GRM7: variants seen among roughly 807,000 people sequenced by gnomAD.
The protein encoded by GRM7 is glutamate metabotropic receptor 7.
GRM7 carries 35 observed loss-of-function variants against 84.5 expected under a neutral mutation model. The ratio of observed to expected loss-of-function variants is 0.41; its 90% CI spans 0.32 to 0.55. The LOEUF is 0.55. Among genes scored for constraint, GRM7 ranks in the 20% least tolerant of loss-of-function variants. The probability of loss-of-function intolerance (pLI) is 0.19; values close to 1 mark genes in which losing one functional copy is unlikely to be tolerated. For synonymous variants in GRM7, 487 were observed against 455.1 expected, an observed-to-expected ratio of 1.07 and a Z score of -0.89; for missense variants, 1,003 against 1,194.6, an observed-to-expected ratio of 0.84 and a Z score of 2.36.
intron 4 of GRM7, among the ~76,000 whole-genome samples, chr3:7,403,622 G>GATTATATATAT: frequency 7.9e-6 from 1 of 126,950 alleles, no homozygotes; most frequent in Admixed American, 8.1e-5. Flanking sequence ...GAGTAATTCT[G>GATTATATATAT]ATATATATAT....
intron 2 of GRM7, among the ~76,000 whole-genome samples, chr3:7,225,068 C>T (rs1244545521): frequency 6.6e-6 from 1 of 152,048 alleles, no homozygotes; most frequent in African/African-American, 2.4e-5. Context: ...AAACTACCTC[C>T]TTGCTGACTC....
chr3:7,698,671 G>A (rs1245133938), intron 9 of GRM7, among the ~76,000 whole-genome samples: 1 of 152,176 alleles, frequency 6.6e-6, no homozygotes, highest in Non-Finnish European at 1.5e-5. Context: ...TCTTGTTGCA[G>A]TGGGCTGTCC....
chr3:7,363,229 C>T (rs1300620714), intron 4 of GRM7, among the ~76,000 whole-genome samples: 1 of 151,522 alleles, frequency 6.6e-6, no homozygotes, highest in Non-Finnish European at 1.5e-5. Flanking sequence ...GAATTTTTGT[C>T]GTATTTAAAT....
intron 1 of GRM7, among the ~76,000 whole-genome samples, chr3:6,986,848 G>T (rs1437617503): frequency 1.3e-5 from 2 of 152,168 alleles, no homozygotes; most frequent in South Asian, 4.1e-4. Context: ...CACGTGAGCT[G>T]CATGATTGGA....
intron 2 of GRM7, among the ~76,000 whole-genome samples, chr3:7,201,104 G>T (rs1389906642): frequency 6.6e-6 from 1 of 151,282 alleles, no homozygotes; most frequent in East Asian, 1.9e-4. Flanking sequence ...CGAGTGGCTG[G>T]GACTACAGAC....
intron 4 of GRM7, among the ~76,000 whole-genome samples, chr3:7,351,215 T>C (rs926877535): frequency 1.3e-5 from 2 of 151,468 alleles, no homozygotes; most frequent in Non-Finnish European, 2.9e-5. Flanking sequence ...GATATCAGAG[T>C]AGATGGAAGA....
At chr3:6,966,524 C>G (rs1056778544) in intron 1 of GRM7, among the ~76,000 whole-genome samples, 2 of 152,154 alleles carry the variant, frequency 1.3e-5, no homozygotes, top group African/African-American at 4.8e-5. Flanking sequence ...GTGAACTTCC[C>G]TAAGATTGCC....
chr3:7,711,299 A>T lies in GRM7; in HGVS notation c.2699-29058A>T, dbSNP rs186092946. Among the ~76,000 whole-genome samples, 433 of 152,288 alleles carry T rather than the reference A, an allele frequency of 2.8e-3. 7 individuals are homozygous for T. Among genetic ancestry groups the T allele is most frequent in the Middle Eastern group, 0.02 (6 of 294 alleles). On this transcript the variant is annotated intron_variant, in intron 9 of 9. Coordinates refer to ENST00000357716, the MANE Select transcript of GRM7 (RefSeq NM_000844.4). ...ATGAGAAGGCACAAACCATGGGAAG[A>T]TACCTGGGAAGGTATTTCAGGCAGT...
chr3:7,503,463 G>A (rs938542002), intron 7 of GRM7, among the ~76,000 whole-genome samples: 1 of 151,962 alleles, frequency 6.6e-6, no homozygotes. Flanking sequence ...ATATATTTCA[G>A]TTCTTTTGAC....
At chr3:6,946,154 T>C (rs1290133346) in intron 1 of GRM7, among the ~76,000 whole-genome samples, 1 of 152,232 alleles carries the variant, frequency 6.6e-6, no homozygotes, top group African/African-American at 2.4e-5. Flanking sequence ...TCCTGAATCA[T>C]ATTGCCTAGC....
chr3:7,362,230 G>A (rs1280680829), intron 4 of GRM7, among the ~76,000 whole-genome samples: 2 of 152,008 alleles, frequency 1.3e-5, no homozygotes, highest in African/African-American at 4.8e-5. Context: ...TGAAAGTTGA[G>A]CTACATCATC....
At chr3:7,019,735 T>C (rs1695708389) in intron 1 of GRM7, among the ~76,000 whole-genome samples, 1 of 152,196 alleles carries the variant, frequency 6.6e-6, no homozygotes, top group Non-Finnish European at 1.5e-5. Context: ...AAGTGTAGCC[T>C]GTGAAGAACT....
chr3:7,421,264 A>G (rs1696381893), intron 5 of GRM7, among the ~76,000 whole-genome samples: 1 of 152,176 alleles, frequency 6.6e-6, no homozygotes, highest in South Asian at 2.1e-4. Flanking sequence ...CAATTATTCC[A>G]CTGGATAAAT....
At chr3:7,368,730 A>G (rs1171305476) in intron 4 of GRM7, among the ~76,000 whole-genome samples, 5 of 152,136 alleles carry the variant, frequency 3.3e-5, no homozygotes, top group African/African-American at 1.2e-4. Context: ...GATCAGATGG[A>G]CAGCACAGAG....
chr3:7,180,876 C>T (rs991936060), intron 2 of GRM7, among the ~76,000 whole-genome samples: 1 of 152,050 alleles, frequency 6.6e-6, no homozygotes, highest in South Asian at 2.1e-4. Context: ...AGTTTGCAAC[C>T]CTTGAGTTTT....
In GRM7 at chr3:6,987,741, G is replaced by C. The variant is rs922893432; in HGVS notation, c.519+125834G>C. Among the ~76,000 whole-genome samples, 3 of 152,168 alleles carry C rather than the reference G, an allele frequency of 2.0e-5. No individual in the cohort carries two copies. The East Asian group carries it at 5.8e-4, about 29-fold the overall frequency. ...ATGACCTGCTTACTATATTTAAGAG[G>C]TCACAGTGGCTGCTGTATGAAGAGT... On this transcript the variant is annotated intron_variant, in intron 1 of 9. Coordinates refer to ENST00000357716, the MANE Select transcript of GRM7 (RefSeq NM_000844.4).
In GRM7 at chr3:6,862,121, A is replaced by G. The variant is rs950878323; in HGVS notation, c.519+214A>G. On this transcript the variant is annotated intron_variant, in intron 1 of 9. Transcript: ENST00000357716. The surrounding 1 kb of genome is among the most constrained non-coding windows in gnomAD (Gnocchi z 5.2). ...CTCTCCCCTGTCCACGCTCCACTCCATCCGGCTTGACATCTGGATTTATGG... is the reference window on the plus strand; with the variant it reads ...CTCTCCCCTGTCCACGCTCCACTCCGTCCGGCTTGACATCTGGATTTATGG... Among the ~76,000 whole-genome samples the G allele has an allele frequency of 5.9e-5, 9 of 152,062 alleles. No homozygotes were observed. Among genetic ancestry groups the G allele is most frequent in the Admixed American group, 4.6e-4 (7 of 15,280 alleles).
chr3:6,905,745 A>G (rs1696551900), intron 1 of GRM7, among the ~76,000 whole-genome samples: 1 of 152,172 alleles, frequency 6.6e-6, no homozygotes, highest in African/African-American at 2.4e-5. Context: ...ATTTTGGTAT[A>G]TGGCCTTGGT....
rs115180215 is a variant in GRM7, at chr3:7,684,113, A to C, written c.2698+3818A>C. Among the ~76,000 whole-genome samples the C allele has an allele frequency of 3.2e-3, 482 of 152,364 alleles. 6 individuals carry two copies. The highest frequency in any genetic ancestry group is 0.011 in the African/African-American group (461 of 41,592). On this transcript the variant is annotated intron_variant, in intron 9 of 9. Coordinates refer to ENST00000357716, the MANE Select transcript of GRM7 (RefSeq NM_000844.4). ...ATATAGGAAAAGAACGATAGTGAAA[A>C]ATTCAATTAATAAAAACAGATATGA... is the stretch of plus-strand genomic sequence containing the variant.
Sources: allele counts gnomAD v4.1 joint callset (sites outside exome capture counted in the v4.1 genomes callset), GRCh38; gene constraint gnomAD v4.1.1; non-coding constraint Gnocchi (gnomAD v3.1); transcripts MANE v1.5; gene names NCBI Gene and HGNC (gene_info 2026-07-23, HGNC 2026-07-21).